Variants in ADK observed in about 807,000 individuals in gnomAD.
ADK encodes N6,N6-dimethyladenosine kinase.
ADK carries 24 observed loss-of-function variants against 44.7 expected under a neutral mutation model. That is an observed-to-expected ratio of 0.54 (90% CI 0.39 to 0.76). The LOEUF (loss-of-function observed/expected upper bound fraction) is 0.76, where lower values mean the gene tolerates loss of function less well. Ranked by LOEUF, ADK falls within the 30% of genes least tolerant of loss-of-function variation. The pLI, the probability that ADK is intolerant of heterozygous loss-of-function variation, is 0.00. For synonymous variants in ADK, 128 were observed against 142.6 expected (o/e 0.90, Z 0.73); for missense variants, 321 against 425.1 (o/e 0.76, Z 2.15).
intron 6 of ADK, among the ~76,000 whole-genome samples, chr10:74,512,265 T>A (rs1848362129): frequency 6.6e-6 from 1 of 152,138 alleles, no homozygotes; most frequent in Admixed American, 6.5e-5. Flanking sequence ...CTTTTTTTGT[T>A]TTGTCCTTAT....
At chr10:74,348,947 C>G (rs1422135378) in intron 4 of ADK, among the ~76,000 whole-genome samples, 1 of 151,816 alleles carries the variant, frequency 6.6e-6, no homozygotes, top group Non-Finnish European at 1.5e-5. Flanking sequence ...ATTGGTGTAC[C>G]TGAAAGTGAC....
chr10:74,486,522 G>C lies in ADK; in HGVS notation c.556-38734G>C, dbSNP rs543336894. ...ACCAACAGGTATAGTTTTCCATTTT[G>C]ATTGTTCCTTTCATTAGATGTTTAA... is the stretch of plus-strand genomic sequence containing the variant. On this transcript the variant is annotated intron_variant, in intron 6 of 10. Coordinates refer to ENST00000539909, the MANE Select transcript of ADK (RefSeq NM_006721.4). Among the ~76,000 whole-genome samples the C allele has an allele frequency of 5.9e-5, 9 of 152,238 alleles. No homozygotes were observed. The South Asian group carries it at 1.9e-3, about 32-fold the overall frequency.
At chr10:74,200,479 C>T (rs1176217999) in intron 1 of ADK, among the ~76,000 whole-genome samples, 1 of 138,490 alleles carries the variant, frequency 7.2e-6, no homozygotes, top group Non-Finnish European at 1.5e-5. Flanking sequence ...AGCGAAACTC[C>T]GTGTCCAAAA....
At chr10:74,544,027 T>C (rs1453646715) in intron 7 of ADK, among the ~76,000 whole-genome samples, 1 of 152,170 alleles carries the variant, frequency 6.6e-6, no homozygotes, top group Admixed American at 6.5e-5. Context: ...TGTTTTCTTA[T>C]CATCAATACT....
intron 1 of ADK, among the ~76,000 whole-genome samples, chr10:74,160,725 G>GTGTGTGTGTGTGTGTGTA (rs753375980): frequency 2.7e-5 from 4 of 150,856 alleles, no homozygotes; most frequent in African/African-American, 9.8e-5. Context: ...GTGTATGTGT[G>GTGTGTGTGTGTGTGTGTA]TGTGTAGGTA....
chr10:74,298,570 T>C (rs1839895117), intron 3 of ADK, among the ~76,000 whole-genome samples: 1 of 151,968 alleles, frequency 6.6e-6, no homozygotes, highest in African/African-American at 2.4e-5. Context: ...CTGCGCAACA[T>C]AGTGAGACCC....
chr10:74,454,266 GT>G (rs1430429944), intron 6 of ADK, among the ~76,000 whole-genome samples: 1 of 152,092 alleles, frequency 6.6e-6, no homozygotes, highest in African/African-American at 2.4e-5. Flanking sequence ...GGTGTGCTTG[GT>G]AAATTTGAAG....
At chr10:74,583,932 A>T (rs1851449782) in intron 7 of ADK, among the ~76,000 whole-genome samples, 1 of 152,100 alleles carries the variant, frequency 6.6e-6, no homozygotes, top group South Asian at 2.1e-4. Context: ...CTGGTTATTG[A>T]TCATGCACCA....
chr10:74,480,206 T>TTTTCTTTCTTTCTTTC (rs71024511), intron 6 of ADK, among the ~76,000 whole-genome samples: 4 of 142,614 alleles, frequency 2.8e-5, no homozygotes, highest in South Asian at 2.2e-4. Flanking sequence ...GGCAGCCTAA[T>TTTTCTTTCTTTCTTTC]TTTCTTTCTT....
At chr10:74,541,794 A>ACAC (rs1554878461) in intron 7 of ADK, among the ~76,000 whole-genome samples, 15 of 63,798 alleles carry the variant, frequency 2.4e-4, no homozygotes, top group South Asian at 7.6e-4. Context: ...ACCCCCACAC[A>ACAC]CCCCCCCCCC....
intron 4 of ADK, among the ~76,000 whole-genome samples, chr10:74,393,584 A>G (rs908191026): frequency 1.3e-5 from 2 of 152,216 alleles, no homozygotes; most frequent in Non-Finnish European, 2.9e-5. Flanking sequence ...GTTGTTGACT[A>G]TGTGCTGGGT....
chr10:74,467,698 A>G (rs554090293), intron 6 of ADK, among the ~76,000 whole-genome samples: 1 of 152,102 alleles, frequency 6.6e-6, no homozygotes, highest in South Asian at 2.1e-4. Flanking sequence ...ACTTGTCTCT[A>G]TTTTTCTCTA....
intron 7 of ADK, among the ~76,000 whole-genome samples, chr10:74,577,110 C>CTGTG (rs146683037): frequency 0.33 from 45,479 of 137,052 alleles, 7,988 homozygotes; most frequent in East Asian, 0.46. Context: ...TATTATTTCT[C>CTGTG]TGTGTGTGTG....
At chr10:74,687,995 C>G (rs956385919) in intron 10 of ADK, among the ~76,000 whole-genome samples, 2 of 152,172 alleles carry the variant, frequency 1.3e-5, no homozygotes, top group Non-Finnish European at 2.9e-5. Context: ...CTGCACTTAG[C>G]CTAAAAATCC....
At chr10:74,309,635 A>C (rs1307725904) in intron 3 of ADK, among the ~76,000 whole-genome samples, 5 of 152,154 alleles carry the variant, frequency 3.3e-5, no homozygotes, top group Admixed American at 3.3e-4. Flanking sequence ...GGTAGCAGGG[A>C]GGTTTAAGAG....
chr10:74,247,119 A>G (rs957830219), intron 3 of ADK, among the ~76,000 whole-genome samples: 1 of 149,762 alleles, frequency 6.7e-6, no homozygotes, highest in Admixed American at 6.6e-5. Flanking sequence ...TGAGAATACT[A>G]TGAGCCCAGA....
chr10:74,278,816 A>G (rs1162401890), intron 3 of ADK, among the ~76,000 whole-genome samples: 1 of 152,194 alleles, frequency 6.6e-6, no homozygotes, highest in African/African-American at 2.4e-5. Flanking sequence ...GGGACTACAG[A>G]TGTTAGCCAT....
At chr10:74,159,842 C>T (rs1476043575) in intron 1 of ADK, among the ~76,000 whole-genome samples, 1 of 152,200 alleles carries the variant, frequency 6.6e-6, no homozygotes, top group East Asian at 1.9e-4. Flanking sequence ...ATCCACCTGC[C>T]TTGGCCTCCC....
intron 3 of ADK, among the ~76,000 whole-genome samples, chr10:74,300,236 TTCTCTC>T (rs149691370): frequency 7.2e-6 from 1 of 139,006 alleles, no homozygotes; most frequent in Non-Finnish European, 1.5e-5. Flanking sequence ...GTTTCTTTCT[TTCTCTC>T]TCTCTCTCTC....
Sources: allele counts gnomAD v4.1 joint callset (sites outside exome capture counted in the v4.1 genomes callset), GRCh38; gene constraint gnomAD v4.1.1; transcripts MANE v1.5; gene names NCBI Gene and HGNC (gene_info 2026-07-23, HGNC 2026-07-21).